The following SMARCA4 variants were observed in gnomAD, a reference collection of about 807,000 sequenced individuals.
SMARCA4 encodes SWI/SNF related BAF chromatin remodeling complex subunit ATPase 4.
A neutral mutation model predicts 193.9 loss-of-function variants in SMARCA4; 31 were observed. That is an observed-to-expected ratio of 0.16 (90% CI 0.12 to 0.22). The LOEUF (loss-of-function observed/expected upper bound fraction) is 0.22. Among genes scored for constraint, SMARCA4 ranks in the 10% least tolerant of loss-of-function variants. The pLI is 1.00. For synonymous variants in SMARCA4, 942 were observed against 933.1 expected (o/e 1.01, Z -0.17); for missense variants, 1,148 against 2,296.0 (o/e 0.50, Z 10.22).
rs2086068649 is a variant in SMARCA4 at position 10,986,622 on chromosome 19, G to A, written c.760+29G>A. ...AGACTGGCTGCCCTGGCCCTCAGGT[G>A]TCTCAGAGCGAATGGCTGGGGCGTG... On this transcript the variant is annotated intron_variant, in intron 4 of 34. Coordinates refer to ENST00000344626, the MANE Select transcript of SMARCA4 (RefSeq NM_003072.5). This position sits in a 1 kb window ranked among gnomAD's most constrained non-coding sequence, Gnocchi z 6.7. 6.5e-7 allele frequency: 1 copy of A among 1,535,356 alleles called. No individual in the cohort carries two copies. Among genetic ancestry groups the A allele is most frequent in the Non-Finnish European group, 8.7e-7 (1 of 1,146,758 alleles).
rs1371735899 is a variant in SMARCA4 at position 11,033,249 on chromosome 19, T to A, written c.3547-41T>A. On this transcript the variant is annotated intron_variant, in intron 25 of 34. Transcript: ENST00000344626. The surrounding 1 kb of genome is among the most constrained non-coding windows in gnomAD (Gnocchi z 9.8). Reference sequence around the variant, plus strand: ...AGAGGCCACCTTCCCTTTTATGACCTCCTGGGCTCCTTTGGGACTGACTGG... The same window carrying A: ...AGAGGCCACCTTCCCTTTTATGACCACCTGGGCTCCTTTGGGACTGACTGG... 2.3e-5 allele frequency: 34 copies of A among 1,510,214 alleles called. No homozygotes were observed. The highest frequency in any genetic ancestry group is 2.9e-5 in the Non-Finnish European group (32 of 1,087,058). The allele number at this position is 1,510,214 out of a possible 1,614,324, so 93.6% of individuals were successfully genotyped here. A position where few individuals can be genotyped will look rare whatever the true frequency, so the allele number is the denominator to read the frequency against.
At chr19:11,038,707 A>ACCAC (rs751581100) in intron 29 of SMARCA4, among the ~76,000 whole-genome samples, 2 of 152,202 alleles carry the variant, frequency 1.3e-5, no homozygotes, top group African/African-American at 2.4e-5. Context: ...AGCGCCAGGC[A>ACCAC]CAGTGCCCAG....
intron 20 of SMARCA4, 67 bp downstream of exon 20, chr19:11,023,698 C>A: frequency 2.0e-6 from 2 of 984,200 alleles, no homozygotes; most frequent in Non-Finnish European, 1.6e-6. Flanking sequence ...CAGGGCTGGG[C>A]GTGCTCAGGG....
chr19:11,053,475 A>C (rs1217062880), intron 30 of SMARCA4, among the ~76,000 whole-genome samples: 1 of 151,504 alleles, frequency 6.6e-6, no homozygotes, highest in Non-Finnish European at 1.5e-5. Context: ...AAAAGAAAGA[A>C]ATTCAAATCT....
intron 34 of SMARCA4, 98 bp downstream of exon 34, chr19:11,060,285 C>A (rs2076792062): frequency 1.4e-6 from 2 of 1,414,774 alleles, no homozygotes; most frequent in Non-Finnish European, 1.9e-6. Context: ...CCCACGCCCC[C>A]ACGCTGCAGG....
intron 12 of SMARCA4, 28 bp from the exon 13 acceptor site, chr19:11,003,312 T>G (rs1457994623): frequency 1.9e-6 from 3 of 1,611,572 alleles, no homozygotes; most frequent in Non-Finnish European, 8.5e-7. Context: ...TGAGCAGATT[T>G]GTATGAAAGC....
chr19:11,024,106 G>A (rs534469564), intron 20 of SMARCA4, among the ~76,000 whole-genome samples: 37 of 152,286 alleles, frequency 2.4e-4, no homozygotes, highest in African/African-American at 8.4e-4. Flanking sequence ...TGGCTGGGGG[G>A]CCCTTTCTGG....
In SMARCA4 at chr19:11,061,870, A is replaced by G. The variant is rs2147159753; in HGVS notation, c.*54A>G. On this transcript the variant is annotated 3_prime_UTR_variant, in exon 35 of 35. Transcript: ENST00000344626. ...CCCCTCGTTCCAGAGCTGAGATGGCATAGGCCTTAGCAGTAACGGGTAGCA... is the reference window on the plus strand; with the variant it reads ...CCCCTCGTTCCAGAGCTGAGATGGCGTAGGCCTTAGCAGTAACGGGTAGCA... 6.5e-7 allele frequency: 1 copy of G among 1,539,212 alleles called. No homozygotes were observed. The highest frequency in any genetic ancestry group is 1.1e-5 in the South Asian group (1 of 89,540).
chr19:10,979,190 T>C (rs1414916613), intron 1 of SMARCA4, among the ~76,000 whole-genome samples: 1 of 152,000 alleles, frequency 6.6e-6, no homozygotes, highest in African/African-American at 2.4e-5. Context: ...GATACAACTA[T>C]TTTGGAAAAC....
intron 1 of SMARCA4, among the ~76,000 whole-genome samples, chr19:10,964,498 A>G (rs2084055729): frequency 6.6e-6 from 1 of 151,678 alleles, no homozygotes; most frequent in Non-Finnish European, 1.5e-5. Context: ...TTTAGTAGAG[A>G]TGGGATTTCA....
intron 30 of SMARCA4, among the ~76,000 whole-genome samples, chr19:11,055,421 T>C (rs1473240801): frequency 6.6e-6 from 1 of 152,026 alleles, no homozygotes; most frequent in East Asian, 1.9e-4. Flanking sequence ...AACTCCGGAC[T>C]TCGTGATCCA....
intron 13 of SMARCA4, among the ~76,000 whole-genome samples, chr19:11,007,657 CT>C (rs1352381091): frequency 6.6e-6 from 1 of 152,040 alleles, no homozygotes; most frequent in Non-Finnish European, 1.5e-5. Context: ...AGGATGATTG[CT>C]TGAGCTGAGG....
intron 1 of SMARCA4, among the ~76,000 whole-genome samples, chr19:10,980,214 C>G (rs2085452689): frequency 6.6e-6 from 1 of 152,110 alleles, no homozygotes; most frequent in African/African-American, 2.4e-5. Flanking sequence ...CTGGTGGCAC[C>G]CGCGTTCCTG....
rs1005085161 is a variant in SMARCA4 at position 10,987,578 on chromosome 19, G to A, written c.860-88G>A. The A allele has an allele frequency of 4.0e-6, 6 of 1,496,500 alleles. No individual in the cohort carries two copies. Among genetic ancestry groups the A allele is most frequent in the Admixed American group, 3.4e-5 (2 of 59,312 alleles). The allele number at this position is 1,496,500 out of a possible 1,614,324, so 92.7% of individuals were successfully genotyped here. On this transcript the variant is annotated intron_variant, in intron 5 of 34. Transcript: ENST00000344626. The surrounding 1 kb of genome is among the most constrained non-coding windows in gnomAD (Gnocchi z 5.3). Reference sequence around the variant, plus strand: ...TGGGCGGGGTCTGCCTGTCCCCAGTGCCTCAAGCAGCTCAGCAGCTTTCCA... The same window carrying A: ...TGGGCGGGGTCTGCCTGTCCCCAGTACCTCAAGCAGCTCAGCAGCTTTCCA...
chr19:11,043,292 AAG>A (rs1262591967), intron 30 of SMARCA4, among the ~76,000 whole-genome samples: 1 of 152,202 alleles, frequency 6.6e-6, no homozygotes, highest in African/African-American at 2.4e-5. Flanking sequence ...CCGTCTCAAA[AAG>A]AGAAAAAAAG....
rs560830113 is a variant in SMARCA4 at position 10,992,942 on chromosome 19, A to G, written c.1419+1619A>G. Among the ~76,000 whole-genome samples, 65 of 150,194 alleles carry G rather than the reference A, an allele frequency of 4.3e-4. No individual in the cohort carries two copies. The South Asian group carries it at 5.2e-3, about 12-fold the overall frequency. On this transcript the variant is annotated intron_variant, in intron 8 of 34. Coordinates refer to ENST00000344626, the MANE Select transcript of SMARCA4 (RefSeq NM_003072.5). ...TCAGCCTTTTTTCTTGTATATTAAT[A>G]CAAGGTTAAATAGCCCTTTTTAAAT... is the stretch of plus-strand genomic sequence containing the variant.
At chr19:11,055,392 C>T (rs2076486430) in intron 30 of SMARCA4, among the ~76,000 whole-genome samples, 1 of 152,202 alleles carries the variant, frequency 6.6e-6, no homozygotes, top group Middle Eastern at 3.4e-3. Context: ...GTATCACTAT[C>T]TTGGCCAGGC....
chr19:11,020,001 C>T (rs561155155), intron 18 of SMARCA4, among the ~76,000 whole-genome samples: 5 of 152,346 alleles, frequency 3.3e-5, no homozygotes, highest in Admixed American at 2.6e-4. Context: ...CGTCTCCTGA[C>T]CCGCCTACAG....
intron 30 of SMARCA4, among the ~76,000 whole-genome samples, chr19:11,046,382 T>A (rs1422569920): frequency 6.6e-6 from 1 of 152,222 alleles, no homozygotes; most frequent in Admixed American, 6.5e-5. Context: ...CTGTCTTACC[T>A]GGGATCCATG....
Sources: allele counts gnomAD v4.1 joint callset (sites outside exome capture counted in the v4.1 genomes callset), GRCh38; gene constraint gnomAD v4.1.1; non-coding constraint Gnocchi (gnomAD v3.1); transcripts MANE v1.5; gene names NCBI Gene and HGNC (gene_info 2026-07-23, HGNC 2026-07-21).